Variants in KLHL5 observed in about 807,000 individuals in gnomAD.
KLHL5 encodes the protein kelch-like protein 5.
Under a neutral mutation model 77.7 loss-of-function variants are expected in KLHL5, and 48 were observed. That is an observed-to-expected ratio of 0.62 (90% CI 0.49 to 0.79). The LOEUF (loss-of-function observed/expected upper bound fraction) is 0.79, where lower values mean the gene tolerates loss of function less well. KLHL5 is among the 30% of genes least tolerant of loss of function. The probability of loss-of-function intolerance (pLI) is 0.00; values close to 1 mark genes in which losing one functional copy is unlikely to be tolerated. For synonymous variants in KLHL5, 260 were observed against 297.0 expected (o/e 0.88, Z 1.28); for missense variants, 723 against 859.7 (o/e 0.84, Z 1.99).
intron 7 of KLHL5, among the ~76,000 whole-genome samples, chr4:39,103,715 A>G (rs755494678): frequency 9.2e-5 from 14 of 152,128 alleles, no homozygotes; most frequent in Admixed American, 5.9e-4. Context: ...AATCCCAGCA[A>G]TTTGGGAGGC....
the KLHL5 span, among the ~76,000 whole-genome samples, chr4:39,142,810 A>C: frequency 6.6e-6 from 1 of 152,070 alleles, no homozygotes; most frequent in Non-Finnish European, 1.5e-5. Context: ...AGCCAGTCTC[A>C]AAAATGGTGC....
At position 39,122,143 on chromosome 4, in the gene KLHL5, T is replaced by C. The variant is rs1723245978; in HGVS notation, c.*1077T>C. The C allele has an allele frequency of 6.6e-6, 1 of 152,624 alleles. No individual in the cohort carries two copies. Among genetic ancestry groups the C allele is most frequent in the Non-Finnish European group, 1.5e-5 (1 of 68,038 alleles). The allele number at this position is 152,624 out of a possible 1,614,324, so 9.5% of individuals were successfully genotyped here. On this transcript the variant is annotated 3_prime_UTR_variant, in exon 11 of 11. Transcript: ENST00000504108. ...TGTGAATGTTATTACTCTCAGTGAA[T>C]TGTTATTGTTTGCAAAAATGCACTG...
At chr4:39,118,750 C>T (rs1345489309) in intron 10 of KLHL5, among the ~76,000 whole-genome samples, 2 of 151,308 alleles carry the variant, frequency 1.3e-5, no homozygotes, top group African/African-American at 4.9e-5. Flanking sequence ...GAGCAAAACT[C>T]CCTCTCAAAA....
upstream of KLHL5, among the ~76,000 whole-genome samples, chr4:39,061,994 G>T (rs12500509): frequency 0.35 from 52,671 of 152,012 alleles, 11,132 homozygotes; most frequent in Middle Eastern, 0.5. Context: ...TTTGTACTCC[G>T]CTTTCCTCCT....
intron 8 of KLHL5, among the ~76,000 whole-genome samples, chr4:39,111,711 A>G (rs1400339186): frequency 2.0e-5 from 3 of 152,228 alleles, no homozygotes; most frequent in Non-Finnish European, 4.4e-5. Context: ...AAAAAGTTTT[A>G]TGATAAATTT....
chr4:39,111,302 A>G (rs1274028116), intron 8 of KLHL5, among the ~76,000 whole-genome samples: 3 of 152,342 alleles, frequency 2.0e-5, no homozygotes, highest in Non-Finnish European at 2.9e-5. Context: ...GGATTTATAG[A>G]TGATGAAATT....
At chr4:39,059,617 G>A (rs1233157458), upstream of KLHL5, among the ~76,000 whole-genome samples, 1 of 152,126 alleles carries the variant, frequency 6.6e-6, no homozygotes, top group Non-Finnish European at 1.5e-5. Flanking sequence ...GCTTGGTGGT[G>A]CACGCATGTA....
intron 1 of KLHL5, among the ~76,000 whole-genome samples, chr4:39,073,269 A>G (rs1207503508): frequency 6.6e-6 from 1 of 152,210 alleles, no homozygotes; most frequent in African/African-American, 2.4e-5. Context: ...TTAACTGGGC[A>G]TATGCCAACA....
At chr4:39,115,517 A>T in intron 10 of KLHL5, 187 bp downstream of exon 10, 1 of 1,483,156 alleles carries the variant, frequency 6.7e-7, no homozygotes, top group Admixed American at 2.6e-5. Flanking sequence ...ATCCAGAATT[A>T]CCTTTGAGAT....
the KLHL5 span, among the ~76,000 whole-genome samples, chr4:39,133,603 A>AT: frequency 6.6e-6 from 1 of 150,492 alleles, no homozygotes; most frequent in Non-Finnish European, 1.5e-5. Flanking sequence ...TTAAAAAAAA[A>AT]TTTTTTATCT....
rs1027774324 is a variant in KLHL5, at chr4:39,111,907, C to T, written c.1689-1113C>T. 2.0e-5 allele frequency among the ~76,000 whole-genome samples: 3 copies of T among 151,688 alleles called. No homozygotes were observed. The East Asian group carries it at 5.8e-4, about 29-fold the overall frequency. On this transcript the variant is annotated intron_variant, in intron 8 of 10. Coordinates refer to ENST00000504108, the MANE Select transcript of KLHL5 (RefSeq NM_015990.5). ...TCTGTGGTTAAGTATGTAGATTTAC[C>T]CAAATATAAATAACTAGAGTTTTAA...
In KLHL5 at chr4:39,075,995, C is replaced by A; in HGVS notation, c.414C>A (p.Ser138=). 1.2e-6 allele frequency: 2 copies of A among 1,611,042 alleles called. No individual in the cohort carries two copies. The highest frequency in any genetic ancestry group is 1.1e-5 in the South Asian group (1 of 90,268). ...CCAATAGTAGTCAGACATTATCATC[C>A]TGTCATACTATGGAGCCATGTACAT... ...RTSNSSQTLS[S]CHTMEPCTSD... The change falls in exon 2 of 11, where the codon TCC becomes TCA. Residue 138 remains serine, a synonymous_variant. Transcript: ENST00000504108.
the KLHL5 span, chr4:39,135,335 C>T: frequency 6.6e-6 from 1 of 152,168 alleles, no homozygotes; most frequent in African/African-American, 2.4e-5. Flanking sequence ...TTGGGAAATC[C>T]ACTGCTTTTA....
At chr4:39,071,330 T>C (rs1049136712) in intron 1 of KLHL5, among the ~76,000 whole-genome samples, 1 of 151,850 alleles carries the variant, frequency 6.6e-6, no homozygotes, top group Non-Finnish European at 1.5e-5. Flanking sequence ...AGCCAGACTA[T>C]TTAGAGTTTC....
chr4:39,094,219 A>C (rs1720853298), intron 5 of KLHL5, among the ~76,000 whole-genome samples: 1 of 152,008 alleles, frequency 6.6e-6, no homozygotes, highest in African/African-American at 2.4e-5. Context: ...GGTTAATACA[A>C]GTGTAATCAG....
chr4:39,077,694 T>TAAAAAAAAAAAAAAAAAAAAAA (rs60744492), intron 2 of KLHL5, among the ~76,000 whole-genome samples: 2 of 128,624 alleles, frequency 1.6e-5, no homozygotes, highest in African/African-American at 2.9e-5. Context: ...GAACTAAAGG[T>TAAAAAAAAAAAAAAAAAAAAAA]AAAAAAAAAA....
rs1359141983 is a variant in KLHL5, at chr4:39,125,504, T to C, written c.*4438T>C. On this transcript the variant is annotated 3_prime_UTR_variant, in exon 11 of 11. Transcript: ENST00000504108. ...GGTATCTCCACACGGCACAATAGAA[T>C]ATTCAGCCATAAAGAGAAATGAGGG... 1.3e-5 allele frequency among the ~76,000 whole-genome samples: 2 copies of C among 152,124 alleles called. No homozygotes were observed. Among genetic ancestry groups the C allele is most frequent in the Non-Finnish European group, 2.9e-5 (2 of 68,020 alleles).
chr4:39,137,607 G>A, the KLHL5 span, among the ~76,000 whole-genome samples: 1 of 152,162 alleles, frequency 6.6e-6, no homozygotes, highest in Non-Finnish European at 1.5e-5. Context: ...GTGATGGAAT[G>A]AGACCCTGTC....
chr4:39,116,005 T>A, intron 10 of KLHL5: 1 of 985,702 alleles, frequency 1.0e-6, no homozygotes, highest in Non-Finnish European at 1.2e-6. Context: ...GATTTTCTTG[T>A]ATACAAGGAG....
Sources: allele counts gnomAD v4.1 joint callset (sites outside exome capture counted in the v4.1 genomes callset), GRCh38; gene constraint gnomAD v4.1.1; transcripts MANE v1.5; gene names NCBI Gene and HGNC (gene_info 2026-07-23, HGNC 2026-07-21).